Variants in AHNAK observed in about 807,000 individuals in gnomAD.
AHNAK encodes the protein neuroblast differentiation-associated protein AHNAK.
A neutral mutation model predicts 37.8 loss-of-function variants in AHNAK; 23 were observed. That is an observed-to-expected ratio of 0.61 (90% CI 0.44 to 0.86). The LOEUF (loss-of-function observed/expected upper bound fraction) is 0.86, where lower values mean the gene tolerates loss of function less well. Ranked by LOEUF, AHNAK falls within the 40% of genes least tolerant of loss-of-function variation. AHNAK has a pLI of 0.00. For missense variants in AHNAK, 7,411 were observed against 7,319.4 expected (o/e 1.01, Z -0.46); for synonymous variants, 2,481 against 2,636.3 (o/e 0.94, Z 1.80).
chr11:62,527,691 C>T lies in AHNAK; in HGVS notation c.6726G>A (p.Lys2242=). The T allele has an allele frequency of 6.2e-7, 1 of 1,614,024 alleles. No homozygotes were observed. Among genetic ancestry groups the T allele is most frequent in the East Asian group, 2.2e-5 (1 of 44,858 alleles). The change falls in exon 5 of 5, where the codon AAG becomes AAA. Residue 2242 remains lysine, a synonymous_variant. Coordinates refer to ENST00000378024, the MANE Select transcript of AHNAK (RefSeq NM_001620.3). ...ACTTGGGCATTTTCATCTTAGGCAT[C>T]TTCAGGTGCCAGTCTGGGCCATGAA... is the stretch of plus-strand genomic sequence containing the variant. The part of the protein sequence containing the change: ...VDVHGPDWHL[K]MPKMKMPKFS...
rs1473783987 is a variant in AHNAK, at chr11:62,519,412, T to A, written c.15005A>T (p.Glu5002Val). The A allele has an allele frequency of 1.4e-5, 22 of 1,612,960 alleles. No individual in the cohort carries two copies. Among genetic ancestry groups the A allele is most frequent in the Non-Finnish European group, 1.9e-5 (22 of 1,179,524 alleles). Residue 5002 changes from glutamate to valine, a missense_variant, in exon 5 of 5, where the codon GAG becomes GTG. Transcript: ENST00000378024. ...AGGAGTCTCAAGGTTCAGCTCTGCC[T>A]CAGGAACAGTGACATCCAGTGAAGG... ...KSPSLDVTVPEAELNLETPEI... is the reference protein window; with the variant it reads ...KSPSLDVTVPVAELNLETPEI...
At chr11:62,511,598 G>A (rs1255676252), downstream of AHNAK, among the ~76,000 whole-genome samples, 2 of 151,644 alleles carry the variant, frequency 1.3e-5, no homozygotes, top group Non-Finnish European at 2.9e-5. Context: ...AGCTTCCCGA[G>A]GTGACCACTG....
At chr11:62,440,279 G>C (rs79663190) in intron 5 of AHNAK, among the ~76,000 whole-genome samples, 2,340 of 152,168 alleles carry the variant, frequency 0.015, 67 homozygotes, top group African/African-American at 0.051. Context: ...ACACTGAGAG[G>C]GGGAGGGAGA....
chr11:62,511,028 A>G (rs1939900572), downstream of AHNAK, among the ~76,000 whole-genome samples: 1 of 152,226 alleles, frequency 6.6e-6, no homozygotes, highest in Non-Finnish European at 1.5e-5. Flanking sequence ...ACTCTGAAGC[A>G]GGACATGTAT....
chr11:62,456,668 C>A (rs1938665928), intron 5 of AHNAK, among the ~76,000 whole-genome samples: 1 of 152,140 alleles, frequency 6.6e-6, no homozygotes, highest in Admixed American at 6.6e-5. Context: ...GCATGTCACC[C>A]CACGAGCCCA....
chr11:62,436,264 C>T (rs12278394), intron 5 of AHNAK, among the ~76,000 whole-genome samples: 4,778 of 152,226 alleles, frequency 0.031, 251 homozygotes, highest in African/African-American at 0.11. Flanking sequence ...TTGGGGTTCA[C>T]ACAATGAAGT....
chr11:62,471,961 A>T (rs1939043937), intron 5 of AHNAK, among the ~76,000 whole-genome samples: 1 of 152,088 alleles, frequency 6.6e-6, no homozygotes, highest in South Asian at 2.1e-4. Flanking sequence ...TCCCTGGGTG[A>T]CTTAAGGGCT....
Position 62,517,692 on chromosome 11 carries a change from A to T in AHNAK, c.16725T>A (p.Gly5575=). The part of the protein sequence containing the change: ...KIKGGADVSG[G]VSAPDISLGE... ...CAAGGCTGATGTCTGGGGCACTGAC[A>T]CCCCCTGAAACATCCGCACCTCCTT... The change falls in exon 5 of 5, where the codon GGT becomes GGA. Residue 5575 remains glycine (G), a synonymous_variant. Coordinates refer to ENST00000378024, the MANE Select transcript of AHNAK (RefSeq NM_001620.3). 6.2e-7 allele frequency: 1 copy of T among 1,613,730 alleles called. No individual in the cohort carries two copies. Among genetic ancestry groups the T allele is most frequent in the Non-Finnish European group, 8.5e-7 (1 of 1,179,950 alleles).
intron 5 of AHNAK, among the ~76,000 whole-genome samples, chr11:62,442,923 G>A (rs1938339959): frequency 6.6e-6 from 1 of 152,022 alleles, no homozygotes; most frequent in East Asian, 1.9e-4. Context: ...ATGTGGATGA[G>A]GATGCACCTG....
chr11:62,441,194 G>A (rs1223806554), intron 5 of AHNAK, among the ~76,000 whole-genome samples: 2 of 151,638 alleles, frequency 1.3e-5, no homozygotes, highest in Non-Finnish European at 2.9e-5. Context: ...TAGAGATGAG[G>A]GTTCATCATG....
chr11:62,485,368 G>T (rs75486585), intron 5 of AHNAK, among the ~76,000 whole-genome samples: 1 of 152,024 alleles, frequency 6.6e-6, no homozygotes, highest in South Asian at 2.1e-4. Flanking sequence ...CTCCAGCTTG[G>T]GTCACAGAGT....
At chr11:62,434,026 G>T in intron 5 of AHNAK, 2 of 1,134,198 alleles carry the variant, frequency 1.8e-6, no homozygotes, top group Non-Finnish European at 2.5e-6. Context: ...CCAAACAAAT[G>T]CTTGCCTCTG....
chr11:62,504,032 G>A (rs766492958), intron 4 of AHNAK, among the ~76,000 whole-genome samples: 3 of 151,856 alleles, frequency 2.0e-5, no homozygotes, highest in African/African-American at 4.8e-5. Context: ...ATGGTGGTGC[G>A]CACCTGTAAT....
At chr11:62,457,087 G>C (rs1005590570) in intron 5 of AHNAK, among the ~76,000 whole-genome samples, 3 of 152,062 alleles carry the variant, frequency 2.0e-5, no homozygotes, top group African/African-American at 7.2e-5. Flanking sequence ...GATCACCTGA[G>C]GTCAGGAGTT....
intron 5 of AHNAK, among the ~76,000 whole-genome samples, chr11:62,439,734 C>T (rs1938264163): frequency 7.3e-6 from 1 of 136,830 alleles, no homozygotes; most frequent in African/African-American, 2.7e-5. Flanking sequence ...GTGGCGCGAT[C>T]TCAGCTCACT....
Position 62,435,841 on chromosome 11 carries a change from C to A in AHNAK, c.443-1950G>T, listed in dbSNP as rs180804395. On this transcript the variant is annotated intron_variant, in intron 5 of 5. Coordinates refer to the AHNAK transcript ENST00000257247. ...GGGATTGCAGGCTGGCCGCACCCAG[C>A]CAGTTTTGACATTTCTACACTACCT... Among the ~76,000 whole-genome samples the A allele has an allele frequency of 1.4e-3, 212 of 152,292 alleles. 1 individual carries two copies. Among genetic ancestry groups the A allele is most frequent in the Non-Finnish European group, 1.0e-4 (7 of 68,032 alleles).
At chr11:62,436,195 G>A (rs772764689) in intron 5 of AHNAK, among the ~76,000 whole-genome samples, 8 of 152,190 alleles carry the variant, frequency 5.3e-5, no homozygotes, top group Non-Finnish European at 8.8e-5. Context: ...CATGGAAAGG[G>A]TTCATAAAGG....
rs759833202 is a variant in AHNAK at position 62,519,811 on chromosome 11, A to G, written c.14606T>C (p.Val4869Ala). ...AGTCCCTTCAACCTTAGGGACAGAC[A>G]CATCAAAATCTCCTTTTACTTTGGG... ...KGPKVKGDFD[V>A]SVPKVEGTLK... The change falls in exon 5 of 5, where the codon GTG (valine) becomes GCG (alanine). Residue 4869 changes from valine (V) to alanine (A), a missense_variant. Physicochemically the swap from Val to Ala is moderately conservative, Grantham distance 64. Transcript: ENST00000378024. The G allele has an allele frequency of 1.2e-6, 2 of 1,614,058 alleles. No homozygotes were observed. Among genetic ancestry groups the G allele is most frequent in the Non-Finnish European group, 1.7e-6 (2 of 1,180,006 alleles).
intron 1 of AHNAK, among the ~76,000 whole-genome samples, chr11:62,539,614 G>C (rs1176706669): frequency 6.6e-6 from 1 of 152,260 alleles, no homozygotes; most frequent in Non-Finnish European, 1.5e-5. Flanking sequence ...GCCTCAGGCA[G>C]AGTCCCAGGG....
Sources: allele counts gnomAD v4.1 joint callset (sites outside exome capture counted in the v4.1 genomes callset), GRCh38; gene constraint gnomAD v4.1.1; transcripts MANE v1.5; gene names NCBI Gene and HGNC (gene_info 2026-07-23, HGNC 2026-07-21).